HVCN1: variants seen among roughly 807,000 people sequenced by gnomAD.
HVCN1 encodes the protein voltage-gated hydrogen channel 1.
In HVCN1, 14 loss-of-function variants were observed where a neutral mutation model predicts 29.2. The ratio of observed to expected loss-of-function variants is 0.48; its 90% CI spans 0.32 to 0.75. HVCN1 has a LOEUF of 0.75. Among genes scored for constraint, HVCN1 ranks in the 30% least tolerant of loss-of-function variants. The pLI, the probability that HVCN1 is intolerant of heterozygous loss-of-function variation, is 0.04. For missense variants in HVCN1, 263 were observed against 341.8 expected, an observed-to-expected ratio of 0.77 and a Z score of 1.82; for synonymous variants, 131 against 133.2, an observed-to-expected ratio of 0.98 and a Z score of 0.11.
intron 2 of HVCN1, among the ~76,000 whole-genome samples, chr12:110,699,258 C>T (rs776798017): frequency 6.6e-6 from 1 of 152,222 alleles, no homozygotes; most frequent in Non-Finnish European, 1.5e-5. Context: ...TCGGCACACT[C>T]GCTGGGTCCC....
chr12:110,681,491 C>G (rs2068968591), intron 3 of HVCN1, among the ~76,000 whole-genome samples: 1 of 152,146 alleles, frequency 6.6e-6, no homozygotes, highest in Non-Finnish European at 1.5e-5. Context: ...TCCGAATGTT[C>G]TTTTTGGTTT....
chr12:110,701,869 AAAC>A (rs1489015909), intron 2 of HVCN1, among the ~76,000 whole-genome samples: 2 of 148,380 alleles, frequency 1.3e-5, no homozygotes, highest in Non-Finnish European at 3.0e-5. Flanking sequence ...AAACAAAACA[AAAC>A]AACAAGAACA....
rs1593458322 is a variant in HVCN1, at chr12:110,661,247, C to A, written c.223G>T (p.Ala75Ser). 1.9e-6 allele frequency: 3 copies of A among 1,614,116 alleles called. No individual in the cohort carries two copies. The East Asian group carries it at 6.7e-5, about 36-fold the overall frequency. ...EEGRAAAPDV[A>S]PAPGPAPRAP... ...CTGGGTGCGGGGCCAGGGGCAGGGG[C>A]AACGTCAGGGGCTGCAGCTCTGCCT... The change falls in exon 4 of 8, where the codon GCC (alanine) becomes TCC (serine). Residue 75 changes from alanine to serine, a missense_variant. By Grantham distance (99) the Ala-to-Ser change is moderately conservative. Transcript: ENST00000242607. This position sits in a 1 kb window ranked among gnomAD's most constrained non-coding sequence, Gnocchi z 6.2.
chr12:110,649,272 G>C lies in HVCN1; in HGVS notation c.*138C>G. 1.4e-6 allele frequency: 1 copy of C among 714,606 alleles called. No homozygotes were observed. Among genetic ancestry groups the C allele is most frequent in the East Asian group, 2.7e-5 (1 of 37,142 alleles). 44.3% of individuals were successfully genotyped at this position (714,606 alleles called of 1,614,324 possible). On this transcript the variant is annotated 3_prime_UTR_variant, in exon 8 of 8. Coordinates refer to ENST00000242607, the MANE Select transcript of HVCN1 (RefSeq NM_032369.4). ...CCTTCCACAAGGCTGTGTCCACCCA[G>C]AATCCATGCTGGCAGGAGGGAGGCA...
intron 3 of HVCN1, among the ~76,000 whole-genome samples, chr12:110,679,775 C>T (rs1432204343): frequency 6.6e-6 from 1 of 151,982 alleles, no homozygotes; most frequent in East Asian, 1.9e-4. Flanking sequence ...ATGGCGTGAA[C>T]CCGGGAAGCG....
chr12:110,648,745 TG>T lies in HVCN1; in HGVS notation c.*664del. 1 of 259,374 alleles carries T rather than the reference TG, an allele frequency of 3.9e-6. No homozygotes were observed. Among genetic ancestry groups the T allele is most frequent in the South Asian group, 3.9e-5 (1 of 25,570 alleles). 16.1% of individuals were successfully genotyped at this position (259,374 alleles called of 1,614,324 possible). On this transcript the variant is annotated 3_prime_UTR_variant, in exon 8 of 8. Transcript: ENST00000242607. ...TTGCTCTCCGACTGGCAGGCTGGTATGGGTGCCACAGAGGAAAGAATACAGT... is the reference window on the plus strand; with the variant it reads ...TTGCTCTCCGACTGGCAGGCTGGTATGGTGCCACAGAGGAAAGAATACAGT...
upstream of HVCN1, among the ~76,000 whole-genome samples, chr12:110,690,344 A>C (rs2069375744): frequency 6.6e-6 from 1 of 152,196 alleles, no homozygotes; most frequent in South Asian, 2.1e-4. Context: ...TTGCCACTTA[A>C]GGCAACATAC....
At chr12:110,704,315 T>A (rs1314453159) in intron 1 of HVCN1, among the ~76,000 whole-genome samples, 1 of 152,060 alleles carries the variant, frequency 6.6e-6, no homozygotes, top group Non-Finnish European at 1.5e-5. Context: ...TTAGTATAGG[T>A]TAATATACTC....
At chr12:110,685,868 A>G (rs2069161880) in intron 2 of HVCN1, among the ~76,000 whole-genome samples, 1 of 152,044 alleles carries the variant, frequency 6.6e-6, no homozygotes. Flanking sequence ...TTTTGTAGAA[A>G]GGGGGGTCTC....
chr12:110,696,837 G>C (rs952087325), intron 2 of HVCN1, among the ~76,000 whole-genome samples: 1 of 152,026 alleles, frequency 6.6e-6, no homozygotes, highest in Non-Finnish European at 1.5e-5. Flanking sequence ...GATATGGTTT[G>C]ATTAAAAAAG....
intron 2 of HVCN1, among the ~76,000 whole-genome samples, chr12:110,697,396 T>C (rs1053597595): frequency 1.3e-5 from 2 of 151,866 alleles, no homozygotes; most frequent in African/African-American, 4.8e-5. Context: ...GTGTGTGGGA[T>C]CCTGGAAACC....
chr12:110,678,262 C>A (rs909145011), intron 3 of HVCN1, among the ~76,000 whole-genome samples: 3 of 152,140 alleles, frequency 2.0e-5, no homozygotes, highest in African/African-American at 7.2e-5. Flanking sequence ...CAGCCCTGCA[C>A]CCTCCTCACA....
intron 2 of HVCN1, among the ~76,000 whole-genome samples, chr12:110,695,724 G>T (rs1397487101): frequency 6.6e-6 from 1 of 152,250 alleles, no homozygotes; most frequent in Non-Finnish European, 1.5e-5. Context: ...TATGAAGAGA[G>T]AGGGACAACC....
In HVCN1 at chr12:110,649,363, C is replaced by T. The variant is rs1479594089; in HGVS notation, c.*47G>A. ...GGCAGCTGTTCCTCTCGTGACAGCA[C>T]AGGCCCATGAGACAGTGTCTTCTTT... On this transcript the variant is annotated 3_prime_UTR_variant, in exon 8 of 8. Coordinates refer to ENST00000242607, the MANE Select transcript of HVCN1 (RefSeq NM_032369.4). 6.7e-7 allele frequency: 1 copy of T among 1,495,650 alleles called. No homozygotes were observed. The highest frequency in any genetic ancestry group is 9.3e-7 in the Non-Finnish European group (1 of 1,078,180). The allele number at this position is 1,495,650 out of a possible 1,614,324, so 92.6% of individuals were successfully genotyped here.
In HVCN1 at chr12:110,649,407, G is replaced by A; in HGVS notation, c.*3C>T. The A allele has an allele frequency of 1.2e-6, 2 of 1,606,228 alleles. No homozygotes were observed. The highest frequency in any genetic ancestry group is 1.7e-6 in the Non-Finnish European group (2 of 1,174,550). ...CTTCTTTTTGAGGGGAGCTGGTCCG[G>A]GTCTAGTTCACTTCACCAAGAAGTC... On this transcript the variant is annotated 3_prime_UTR_variant, in exon 8 of 8. Transcript: ENST00000242607.
rs2068056804 is a variant in HVCN1 at position 110,658,384 on chromosome 12, C to T, written c.306+2780G>A. On this transcript the variant is annotated intron_variant, in intron 4 of 7. Transcript: ENST00000242607. This position sits in a 1 kb window ranked among gnomAD's most constrained non-coding sequence, Gnocchi z 5.0. Reference sequence around the variant, plus strand: ...CCAAGTCCCTCCACAAATCTGATCTCCCACCCACACACTTAGAGCTTTCAA... The same window carrying T: ...CCAAGTCCCTCCACAAATCTGATCTTCCACCCACACACTTAGAGCTTTCAA... 6.6e-6 allele frequency among the ~76,000 whole-genome samples: 1 copy of T among 152,140 alleles called. No individual in the cohort carries two copies. The highest frequency in any genetic ancestry group is 1.5e-5 in the Non-Finnish European group (1 of 68,010).
intron 7 of HVCN1, among the ~76,000 whole-genome samples, chr12:110,649,902 A>G (rs1196338791): frequency 1.3e-5 from 2 of 152,134 alleles, no homozygotes; most frequent in South Asian, 2.1e-4. Flanking sequence ...CTGGAGTGCA[A>G]TGGCGCGATC....
At chr12:110,699,314 T>C (rs973256334) in intron 2 of HVCN1, among the ~76,000 whole-genome samples, 1 of 151,936 alleles carries the variant, frequency 6.6e-6, no homozygotes, top group South Asian at 2.1e-4. Flanking sequence ...TGCCAAGGGG[T>C]GGGCCTGGAA....
intron 4 of HVCN1, among the ~76,000 whole-genome samples, chr12:110,660,357 T>G (rs540597359): frequency 3.9e-5 from 6 of 152,304 alleles, no homozygotes; most frequent in African/African-American, 1.4e-4. Flanking sequence ...CTCTGCTTTC[T>G]CCCTGCAACC....
Sources: gnomAD v4.1 joint callset for allele counts (sites outside exome capture counted in the v4.1 genomes callset) on GRCh38, gnomAD v4.1.1 for gene constraint, Gnocchi (gnomAD v3.1) non-coding constraint, MANE v1.5 for transcripts, NCBI Gene and HGNC (gene_info 2026-07-23, HGNC 2026-07-21) for gene names.